The following FTO variants were observed in gnomAD, a reference collection of about 807,000 sequenced individuals.
The protein encoded by FTO is alpha-ketoglutarate-dependent dioxygenase FTO.
FTO carries 47 observed loss-of-function variants against 63.9 expected under a neutral mutation model. That is an observed-to-expected ratio of 0.74 (90% CI 0.58 to 0.94). The LOEUF (loss-of-function observed/expected upper bound fraction) is 0.94, where lower values mean the gene tolerates loss of function less well. Ranked by LOEUF, FTO falls within the 40% of genes least tolerant of loss-of-function variation. The pLI is 0.00. For synonymous variants in FTO, 207 were observed against 224.4 expected (o/e 0.92, Z 0.69); for missense variants, 562 against 618.1 (o/e 0.91, Z 0.96).
rs557859106 is a variant in FTO at position 53,713,332 on chromosome 16, T to C, written c.45+9103T>C. 1.2e-4 allele frequency among the ~76,000 whole-genome samples: 18 copies of C among 152,280 alleles called. No homozygotes were observed. In the East Asian group the frequency reaches 3.5e-3, roughly 29 times the overall value. Reference sequence around the variant, plus strand: ...TGTTGTTGTTAGTTTATTATGGCAGTTTTCTTGCTAAAGTTATATTTAAAG... The same window carrying C: ...TGTTGTTGTTAGTTTATTATGGCAGCTTTCTTGCTAAAGTTATATTTAAAG... On this transcript the variant is annotated intron_variant, in intron 1 of 8. Coordinates refer to ENST00000471389, the MANE Select transcript of FTO (RefSeq NM_001080432.3).
intron 8 of FTO, among the ~76,000 whole-genome samples, chr16:53,968,264 A>G (rs568884667): frequency 6.6e-6 from 1 of 152,266 alleles, no homozygotes; most frequent in South Asian, 2.1e-4. Context: ...CCCCATATCA[A>G]TGTGTTGCAA....
At chr16:53,913,316 AT>A (rs897638722) in intron 7 of FTO, among the ~76,000 whole-genome samples, 1 of 152,208 alleles carries the variant, frequency 6.6e-6, no homozygotes, top group Non-Finnish European at 1.5e-5. Context: ...AGTTTGGTGT[AT>A]TTGATGAGTC....
chr16:53,733,357 G>A (rs1007452546), intron 1 of FTO, among the ~76,000 whole-genome samples: 2 of 151,986 alleles, frequency 1.3e-5, no homozygotes, highest in Non-Finnish European at 2.9e-5. Flanking sequence ...AGCCGAGATC[G>A]CACAACTGCA....
At chr16:53,908,790 C>T (rs192507596) in intron 7 of FTO, among the ~76,000 whole-genome samples, 41 of 152,278 alleles carry the variant, frequency 2.7e-4, no homozygotes, top group Admixed American at 7.2e-4. Flanking sequence ...TCCCCCTTGG[C>T]CCACGTACAA....
intron 7 of FTO, among the ~76,000 whole-genome samples, chr16:53,909,169 G>A (rs1235281170): frequency 1.3e-5 from 2 of 152,078 alleles, no homozygotes; most frequent in East Asian, 1.9e-4. Flanking sequence ...TATTCAGCAG[G>A]CATCTACCAG....
In FTO at chr16:54,113,786, A is replaced by G. The variant is rs1475307283; in HGVS notation, c.*1871A>G. The G allele has an allele frequency of 1.3e-5, 2 of 150,668 alleles. No homozygotes were observed. Among genetic ancestry groups the G allele is most frequent in the Non-Finnish European group, 2.9e-5 (2 of 67,908 alleles). 9.3% of individuals were successfully genotyped at this position (150,668 alleles called of 1,614,324 possible). On this transcript the variant is annotated 3_prime_UTR_variant, in exon 9 of 9. Coordinates refer to ENST00000471389, the MANE Select transcript of FTO (RefSeq NM_001080432.3). ...TTGGGAGATTTCACATAAAATTAAA[A>G]GGTCTGCATTTTCTTTTTTCTTTTC...
chr16:54,062,469 C>T (rs1161201383), intron 8 of FTO, among the ~76,000 whole-genome samples: 3 of 152,148 alleles, frequency 2.0e-5, no homozygotes, highest in African/African-American at 7.2e-5. Context: ...ACTTCAGTGC[C>T]TCACCTAAGA....
chr16:53,944,219 T>C (rs1050816480), intron 8 of FTO, among the ~76,000 whole-genome samples: 3 of 152,208 alleles, frequency 2.0e-5, no homozygotes, highest in Admixed American at 1.3e-4. Flanking sequence ...AGGGGAAATG[T>C]ATTACACAAT....
At chr16:53,909,118 C>T (rs977748617) in intron 7 of FTO, among the ~76,000 whole-genome samples, 4 of 152,210 alleles carry the variant, frequency 2.6e-5, no homozygotes, top group African/African-American at 9.7e-5. Context: ...GTTCCATCCT[C>T]TTCCAGTAGA....
intron 1 of FTO, among the ~76,000 whole-genome samples, chr16:53,705,474 C>G (rs758195802): frequency 2.0e-5 from 3 of 152,188 alleles, no homozygotes; most frequent in Non-Finnish European, 4.4e-5. Flanking sequence ...GCTGCCTACT[C>G]TATGTTAGGC....
At chr16:53,989,657 C>T (rs1482292739) in intron 8 of FTO, among the ~76,000 whole-genome samples, 5 of 152,070 alleles carry the variant, frequency 3.3e-5, no homozygotes, top group Admixed American at 1.3e-4. Context: ...ATCTATAAGG[C>T]GGGAATAATA....
At chr16:54,041,676 G>A (rs2085079162) in intron 8 of FTO, among the ~76,000 whole-genome samples, 1 of 152,114 alleles carries the variant, frequency 6.6e-6, no homozygotes, top group Non-Finnish European at 1.5e-5. Context: ...TCCTGGGCTT[G>A]TGATTCCCAG....
intron 8 of FTO, among the ~76,000 whole-genome samples, chr16:53,985,619 C>A (rs1464550937): frequency 2.6e-5 from 4 of 152,174 alleles, no homozygotes; most frequent in African/African-American, 9.7e-5. Context: ...TGTTAAAATG[C>A]TGTGTGAGGT....
chr16:54,036,453 G>T (rs1466635271), intron 8 of FTO, among the ~76,000 whole-genome samples: 1 of 152,198 alleles, frequency 6.6e-6, no homozygotes, highest in Non-Finnish European at 1.5e-5. Context: ...ATCCCTCTGG[G>T]TCATAAAGAT....
chr16:53,864,786 G>A (rs924889485), intron 4 of FTO, among the ~76,000 whole-genome samples: 2 of 152,120 alleles, frequency 1.3e-5, no homozygotes, highest in African/African-American at 2.4e-5. Context: ...CCTTTGAGAT[G>A]CACAATCCAT....
At chr16:54,015,926 A>C (rs1362078955) in intron 8 of FTO, among the ~76,000 whole-genome samples, 3 of 152,176 alleles carry the variant, frequency 2.0e-5, no homozygotes. Context: ...TCCACAGATC[A>C]TTTCTGCCTA....
At chr16:53,878,201 G>A (rs1408978588) in intron 5 of FTO, among the ~76,000 whole-genome samples, 1 of 152,170 alleles carries the variant, frequency 6.6e-6, no homozygotes, top group East Asian at 1.9e-4. Context: ...GGGAGGCTGA[G>A]GCAGGAGAAT....
At chr16:53,785,738 G>A (rs535071579) in intron 1 of FTO, among the ~76,000 whole-genome samples, 3 of 151,582 alleles carry the variant, frequency 2.0e-5, no homozygotes, top group South Asian at 2.1e-4. Flanking sequence ...GGTGAAACCC[G>A]GTCTCTACTA....
At chr16:53,936,452 C>T (rs893165804) in intron 8 of FTO, among the ~76,000 whole-genome samples, 4 of 152,204 alleles carry the variant, frequency 2.6e-5, no homozygotes, top group African/African-American at 7.2e-5. Flanking sequence ...TATAAACAGA[C>T]GGTTACCATA....
Sources: gnomAD v4.1 joint callset for allele counts (sites outside exome capture counted in the v4.1 genomes callset) on GRCh38, gnomAD v4.1.1 for gene constraint, MANE v1.5 for transcripts, NCBI Gene and HGNC (gene_info 2026-07-23, HGNC 2026-07-21) for gene names.